The following SLC24A4 variants were observed in gnomAD, a reference collection of about 807,000 sequenced individuals.
SLC24A4 encodes sodium/potassium/calcium exchanger 4.
Under a neutral mutation model 79.0 loss-of-function variants are expected in SLC24A4, and 53 were observed. The observed-to-expected ratio is 0.67, with a 90% CI of 0.54 to 0.84. The LOEUF (loss-of-function observed/expected upper bound fraction) is 0.84, where lower values mean the gene tolerates loss of function less well. Ranked by LOEUF, SLC24A4 falls within the 40% of genes least tolerant of loss-of-function variation. The pLI is 0.00. For synonymous variants in SLC24A4, 323 were observed against 323.8 expected (o/e 1.00, Z 0.03); for missense variants, 731 against 822.0 (o/e 0.89, Z 1.35).
intron 2 of SLC24A4, among the ~76,000 whole-genome samples, chr14:92,427,245 G>A (rs1225793113): frequency 1.3e-5 from 2 of 152,220 alleles, no homozygotes; most frequent in East Asian, 3.9e-4. Context: ...GTGTCAGAAG[G>A]GAGGAGCCCG....
At chr14:92,420,567 C>T (rs1270512962) in intron 2 of SLC24A4, among the ~76,000 whole-genome samples, 2 of 152,160 alleles carry the variant, frequency 1.3e-5, no homozygotes, top group Non-Finnish European at 2.9e-5. Context: ...ATATAAGTAC[C>T]TACTATGTGC....
At chr14:92,481,507 T>C (rs1455343669) in intron 12 of SLC24A4, among the ~76,000 whole-genome samples, 1 of 152,206 alleles carries the variant, frequency 6.6e-6, no homozygotes, top group Non-Finnish European at 1.5e-5. Context: ...GGTCAAATAA[T>C]AACAATTCTG....
intron 2 of SLC24A4, among the ~76,000 whole-genome samples, chr14:92,351,081 CTGT>C (rs1886833672): frequency 6.6e-6 from 1 of 152,148 alleles, no homozygotes; most frequent in African/African-American, 2.4e-5. Flanking sequence ...AAATAAATTT[CTGT>C]TGTTCATAAG....
chr14:92,397,802 A>G (rs1444551243), intron 2 of SLC24A4, among the ~76,000 whole-genome samples: 2 of 152,222 alleles, frequency 1.3e-5, no homozygotes, highest in East Asian at 3.8e-4. Context: ...AAGTAAAGTA[A>G]GAGCCCACCT....
chr14:92,367,597 C>G (rs1887924756), intron 2 of SLC24A4, among the ~76,000 whole-genome samples: 1 of 152,178 alleles, frequency 6.6e-6, no homozygotes, highest in Non-Finnish European at 1.5e-5. Flanking sequence ...GCCCTCCATA[C>G]AAGAAACAGA....
At chr14:92,443,661 C>CCCCAAAACCTCAGA (rs1376467080) in intron 7 of SLC24A4, among the ~76,000 whole-genome samples, 187 bp downstream of exon 7, 1 of 152,216 alleles carries the variant, frequency 6.6e-6, no homozygotes, top group Non-Finnish European at 1.5e-5. Flanking sequence ...GCCTCCCTTT[C>CCCCAAAACCTCAGA]CCCAAAACCT....
chr14:92,386,653 A>G (rs1213164354), intron 2 of SLC24A4, among the ~76,000 whole-genome samples: 1 of 152,182 alleles, frequency 6.6e-6, no homozygotes, highest in African/African-American at 2.4e-5. Context: ...AGGCAGTTAA[A>G]CCAGCAAAAA....
At chr14:92,440,644 T>C (rs992086358) in intron 4 of SLC24A4, among the ~76,000 whole-genome samples, 4 of 151,974 alleles carry the variant, frequency 2.6e-5, no homozygotes, top group Admixed American at 2.6e-4. Context: ...TAGGGTTACC[T>C]GTATCCCTAA....
At chr14:92,444,345 G>T (rs61977294) in intron 7 of SLC24A4, among the ~76,000 whole-genome samples, 3 of 152,064 alleles carry the variant, frequency 2.0e-5, no homozygotes, top group Non-Finnish European at 4.4e-5. Flanking sequence ...CTCTGAGACC[G>T]TCTAGTACAA....
rs560713254 is a variant in SLC24A4 at position 92,486,832 on chromosome 14, C to G, written c.1537+52C>G. On this transcript the variant is annotated intron_variant, in intron 14 of 16. Coordinates refer to ENST00000532405, the MANE Select transcript of SLC24A4 (RefSeq NM_153646.4). Reference sequence around the variant, plus strand: ...GTCATGCAGTGCAGGCCACTGTGTCCTCGTCCCTGCCTGACTTACAGTTGA... The same window carrying G: ...GTCATGCAGTGCAGGCCACTGTGTCGTCGTCCCTGCCTGACTTACAGTTGA... 1.5e-4 allele frequency: 206 copies of G among 1,332,028 alleles called. 1 individual carries two copies. The highest frequency in any genetic ancestry group is 1.5e-3 in the Middle Eastern group (8 of 5,334). The allele number at this position is 1,332,028 out of a possible 1,614,324, so 82.5% of individuals were successfully genotyped here.
rs151185049 is a variant in SLC24A4, at chr14:92,496,347, A to G, written c.*2719A>G. On this transcript the variant is annotated 3_prime_UTR_variant, in exon 17 of 17. Transcript: ENST00000532405. Reference sequence around the variant, plus strand: ...CATGATTAATTAGGCTTTCATTTTTAAATTACGCTTTCATCACTACGCAGG... The same window carrying G: ...CATGATTAATTAGGCTTTCATTTTTGAATTACGCTTTCATCACTACGCAGG... 76 of 152,538 alleles carry G rather than the reference A, an allele frequency of 5.0e-4. No individual in the cohort carries two copies. Among genetic ancestry groups the G allele is most frequent in the African/African-American group, 1.7e-3 (71 of 41,572 alleles). 9.4% of individuals were successfully genotyped at this position (152,538 alleles called of 1,614,324 possible).
At chr14:92,428,476 C>T (rs1891688379) in intron 2 of SLC24A4, among the ~76,000 whole-genome samples, 1 of 152,200 alleles carries the variant, frequency 6.6e-6, no homozygotes, top group Admixed American at 6.5e-5. Context: ...GCCTATTGGC[C>T]TGTCTACCTG....
intron 2 of SLC24A4, among the ~76,000 whole-genome samples, chr14:92,407,860 TG>T (rs1235341703): frequency 1.5e-4 from 3 of 19,684 alleles, no homozygotes; most frequent in African/African-American, 4.1e-4. Flanking sequence ...AGTGATATTG[TG>T]TGTGTGTGTG....
chr14:92,324,266 G>A (rs975534179), intron 1 of SLC24A4, among the ~76,000 whole-genome samples: 1 of 152,206 alleles, frequency 6.6e-6, no homozygotes, highest in African/African-American at 2.4e-5. Context: ...AATGGGCAGC[G>A]CAACTGCGGG....
At chr14:92,325,429 G>T (rs1431586527) in intron 1 of SLC24A4, among the ~76,000 whole-genome samples, 1 of 152,236 alleles carries the variant, frequency 6.6e-6, no homozygotes, top group Non-Finnish European at 1.5e-5. Context: ...CAGGTGATCT[G>T]TGTGCACATT....
chr14:92,372,950 TCTCTCTCC>T (rs1454497712), intron 2 of SLC24A4, among the ~76,000 whole-genome samples: 12 of 146,430 alleles, frequency 8.2e-5, no homozygotes, highest in African/African-American at 3.0e-4. Context: ...TCTCTCTCTC[TCTCTCTCC>T]CTCTCTCTCT....
At chr14:92,439,008 C>T (rs1892340869) in intron 3 of SLC24A4, among the ~76,000 whole-genome samples, 1 of 152,170 alleles carries the variant, frequency 6.6e-6, no homozygotes, top group Non-Finnish European at 1.5e-5. Flanking sequence ...GCCCGAGGTT[C>T]CGGGGGGTTT....
At chr14:92,445,625 G>A (rs1465469129) in intron 8 of SLC24A4, among the ~76,000 whole-genome samples, 1 of 152,182 alleles carries the variant, frequency 6.6e-6, no homozygotes, top group Non-Finnish European at 1.5e-5. Flanking sequence ...ATATGCATAG[G>A]CCAATATGGA....
intron 2 of SLC24A4, among the ~76,000 whole-genome samples, chr14:92,411,393 C>T (rs748247938): frequency 1.3e-5 from 2 of 152,300 alleles, no homozygotes; most frequent in South Asian, 2.1e-4. Flanking sequence ...TTCTCTCTCT[C>T]CCAGTGAGTT....
Sources: allele counts gnomAD v4.1 joint callset (sites outside exome capture counted in the v4.1 genomes callset), GRCh38; gene constraint gnomAD v4.1.1; transcripts MANE v1.5; gene names NCBI Gene and HGNC (gene_info 2026-07-23, HGNC 2026-07-21).